Variants in MIDEAS observed in about 807,000 individuals in gnomAD.
MIDEAS encodes the protein mitotic deacetylase associated SANT domain protein, also known as mitotic deacetylase-associated SANT domain protein.
In MIDEAS, 26 loss-of-function variants were observed where a neutral mutation model predicts 102.7. The observed-to-expected ratio is 0.25, with a 90% CI of 0.19 to 0.35. MIDEAS has a LOEUF of 0.35. Among genes scored for constraint, MIDEAS ranks in the 10% least tolerant of loss-of-function variants. The probability of loss-of-function intolerance (pLI) is 1.00; values close to 1 mark genes in which losing one functional copy is unlikely to be tolerated. For missense variants in MIDEAS, 1,231 were observed against 1,435.6 expected (o/e 0.86, Z 2.30); for synonymous variants, 585 against 591.0 (o/e 0.99, Z 0.15).
At chr14:73,744,855 G>A (rs986215590) in intron 1 of MIDEAS, among the ~76,000 whole-genome samples, 2 of 152,096 alleles carry the variant, frequency 1.3e-5, no homozygotes, top group African/African-American at 4.8e-5. Context: ...TGCTTCCACT[G>A]GGAAACCTGA....
chr14:73,752,023 G>C (rs1566599473), intron 1 of MIDEAS, among the ~76,000 whole-genome samples: 1 of 152,092 alleles, frequency 6.6e-6, no homozygotes, highest in East Asian at 1.9e-4. Context: ...TCTCTGCTTG[G>C]GTTCCCCCAC....
In MIDEAS at chr14:73,739,109, G is replaced by A. The variant is rs1307164807; in HGVS notation, c.900C>T (p.His300=). Residue 300 remains histidine (H), a synonymous_variant, in exon 2 of 13, where the codon CAC becomes CAT. Transcript: ENST00000423556. The stretch of plus-strand genomic sequence containing the variant: ...AGGGTGCCATGCTGTGGTGAGCCAG[G>A]TGGGACTGTCCCAGTGGCCCAGCTG... ...LQPAGPLGQS[H]LAHHSMAPYP... 5.0e-6 allele frequency: 8 copies of A among 1,607,204 alleles called. No homozygotes were observed. The highest frequency in any genetic ancestry group is 4.4e-5 in the South Asian group (4 of 90,142).
At position 73,715,401 on chromosome 14, in the gene MIDEAS, T is replaced by C. The variant is rs2052869466; in HGVS notation, c.*3442A>G. On this transcript the variant is annotated 3_prime_UTR_variant, in exon 13 of 13. Transcript: ENST00000423556. ...ACACACAAAAGGCAGTGTCTGATCA[T>C]TTTTGTTTCAAAATAAAAGGAATAT... The C allele has an allele frequency of 6.5e-6, 1 of 152,674 alleles. No homozygotes were observed. Among genetic ancestry groups the C allele is most frequent in the African/African-American group, 2.4e-5 (1 of 41,460 alleles). 9.5% of individuals were successfully genotyped at this position (152,674 alleles called of 1,614,324 possible).
At chr14:73,765,754 C>T (rs954817262) in intron 1 of MIDEAS, among the ~76,000 whole-genome samples, 2 of 152,186 alleles carry the variant, frequency 1.3e-5, no homozygotes, top group Admixed American at 6.5e-5. Flanking sequence ...CATTATCCCA[C>T]ACCCAGATCT....
chr14:73,788,526 C>T (rs1262272710), upstream of MIDEAS, among the ~76,000 whole-genome samples: 1 of 152,180 alleles, frequency 6.6e-6, no homozygotes, highest in East Asian at 1.9e-4. Context: ...GTATGAAGAT[C>T]GAAGCTCTCC....
At position 73,739,199 on chromosome 14, in the gene MIDEAS, G is replaced by C. The variant is rs763245398; in HGVS notation, c.810C>G (p.Leu270=). The C allele has an allele frequency of 6.2e-7, 1 of 1,613,836 alleles. No homozygotes were observed. The highest frequency in any genetic ancestry group is 1.1e-5 in the South Asian group (1 of 91,082). ...GCGGCATGGAATAGAAGTTCTCAAA[G>C]AGCGGCATCTGGGGTAGGGCTGCCT... ...QQQAALPQMP[L]FENFYSMPQQ... Residue 270 remains leucine, a synonymous_variant, in exon 2 of 13, where the codon CTC becomes CTG. Coordinates refer to ENST00000423556, the MANE Select transcript of MIDEAS (RefSeq NM_001367710.1).
At chr14:73,756,582 C>T (rs1393340427) in intron 1 of MIDEAS, among the ~76,000 whole-genome samples, 1 of 152,238 alleles carries the variant, frequency 6.6e-6, no homozygotes, top group Non-Finnish European at 1.5e-5. Flanking sequence ...GCCACTGGCT[C>T]TGCTTCCTGC....
chr14:73,745,076 G>A (rs1228474473), intron 1 of MIDEAS, among the ~76,000 whole-genome samples: 2 of 152,184 alleles, frequency 1.3e-5, no homozygotes, highest in African/African-American at 2.4e-5. Flanking sequence ...AGCCACACCT[G>A]GGCAGAGGCG....
intron 9 of MIDEAS, 49 bp from the exon 10 acceptor site, chr14:73,722,896 T>C: frequency 6.3e-7 from 1 of 1,599,898 alleles, no homozygotes; most frequent in Non-Finnish European, 8.5e-7. Context: ...TTGGCTCATC[T>C]GCCTGTGGAG....
intron 1 of MIDEAS, among the ~76,000 whole-genome samples, chr14:73,769,521 C>T (rs773217460): frequency 2.6e-5 from 4 of 152,158 alleles, no homozygotes; most frequent in Admixed American, 6.5e-5. Context: ...GTTGCATATA[C>T]GTTGCTGTGC....
At chr14:73,773,657 T>C (rs2053662230) in intron 1 of MIDEAS, among the ~76,000 whole-genome samples, 1 of 151,880 alleles carries the variant, frequency 6.6e-6, no homozygotes, top group East Asian at 1.9e-4. Context: ...TGCTCACCAG[T>C]GGTCCCACAG....
At chr14:73,755,825 T>C (rs2053472976) in intron 1 of MIDEAS, among the ~76,000 whole-genome samples, 1 of 152,178 alleles carries the variant, frequency 6.6e-6, no homozygotes, top group Non-Finnish European at 1.5e-5. Flanking sequence ...TCATTTTCTC[T>C]TCCTTGATAG....
At chr14:73,744,088 T>C (rs1003016534) in intron 1 of MIDEAS, among the ~76,000 whole-genome samples, 1 of 149,910 alleles carries the variant, frequency 6.7e-6, no homozygotes, top group East Asian at 2.0e-4. Flanking sequence ...ACCCCACATA[T>C]ATGTTTTGCA....
intron 1 of MIDEAS, among the ~76,000 whole-genome samples, chr14:73,768,455 G>A (rs932065472): frequency 1.3e-5 from 2 of 151,592 alleles, no homozygotes; most frequent in African/African-American, 4.9e-5. Flanking sequence ...CTCCCTCACA[G>A]ATGTGTTTTA....
chr14:73,723,964 A>T (rs921935274), intron 9 of MIDEAS: 3 of 152,214 alleles, frequency 2.0e-5, no homozygotes, highest in African/African-American at 7.2e-5. Context: ...GCCCTGGAAA[A>T]CCTGAGGAGG....
At position 73,739,909 on chromosome 14, in the gene MIDEAS, G is replaced by C; in HGVS notation, c.100C>G (p.Pro34Ala). 1 of 1,548,010 alleles carries C rather than the reference G, an allele frequency of 6.5e-7. No individual in the cohort carries two copies. Among genetic ancestry groups the C allele is most frequent in the Non-Finnish European group, 8.7e-7 (1 of 1,146,354 alleles). ...TTCACTCTGATGGACTGCTGGGGGGGCTGCAGGGGAGGGGGCTGCTCCTTG... is the reference window on the plus strand; with the variant it reads ...TTCACTCTGATGGACTGCTGGGGGGCCTGCAGGGGAGGGGGCTGCTCCTTG... ...APKEQPPPLQ[P>A]PQQSIRVKEE... Residue 34 changes from proline to alanine, a missense_variant, in exon 2 of 13, where the codon CCC (proline) becomes GCC (alanine). By Grantham distance (27) the Pro-to-Ala change is conservative. Around this residue, in one of 5 missense-constraint regions of MIDEAS, gnomAD observed 758 missense variants for 856.0 expected, o/e 0.89. Coordinates refer to ENST00000423556, the MANE Select transcript of MIDEAS (RefSeq NM_001367710.1).
At chr14:73,770,626 C>A (rs1322558939) in intron 1 of MIDEAS, among the ~76,000 whole-genome samples, 2 of 152,186 alleles carry the variant, frequency 1.3e-5, no homozygotes, top group Non-Finnish European at 2.9e-5. Flanking sequence ...TAAACCCACA[C>A]CAATTAACCT....
intron 7 of MIDEAS, 88 bp from the exon 8 acceptor site, chr14:73,726,196 A>AAGTGTCCACCCTACTC: frequency 5.6e-6 from 6 of 1,070,836 alleles, no homozygotes; most frequent in Non-Finnish European, 8.4e-6. Context: ...AATCCCGAGT[A>AAGTGTCCACCCTACTC]GGGTGGACAC....
chr14:73,726,078 G>T lies in MIDEAS; in HGVS notation c.2440C>A (p.Pro814Thr), dbSNP rs2053056511. The T allele has an allele frequency of 2.5e-6, 4 of 1,598,216 alleles. No homozygotes were observed. The highest frequency in any genetic ancestry group is 3.4e-6 in the Non-Finnish European group (4 of 1,173,336). The stretch of plus-strand genomic sequence containing the variant: ...AGCGGATGGTTGTGGGGCCGCAGGG[G>T]CTTCTTCAGCAGCAGCTTATTCAGC... ...ETLNKLLLKK[P>T]LRPHNHPLAT... The change falls in exon 8 of 13, where the codon CCC (proline) becomes ACC (threonine). Residue 814 changes from proline (P) to threonine (T), a missense_variant. Physicochemically the swap from Pro to Thr is conservative, Grantham distance 38. Coordinates refer to ENST00000423556, the MANE Select transcript of MIDEAS (RefSeq NM_001367710.1).
Sources: gnomAD v4.1 joint callset for allele counts (sites outside exome capture counted in the v4.1 genomes callset) on GRCh38, gnomAD v4.1.1 for gene constraint, gnomAD v4.1.1 regional missense constraint, MANE v1.5 for transcripts, NCBI Gene and HGNC (gene_info 2026-07-23, HGNC 2026-07-21) for gene names.